The following SKAP1 variants were observed in gnomAD, a reference collection of about 807,000 sequenced individuals.
SKAP1 encodes src kinase associated phosphoprotein 1.
In SKAP1, 44 loss-of-function variants were observed where a neutral mutation model predicts 58.5. That is an observed-to-expected ratio of 0.75 (90% CI 0.59 to 0.97). The LOEUF (loss-of-function observed/expected upper bound fraction) is 0.97, where lower values mean the gene tolerates loss of function less well. Among genes scored for constraint, SKAP1 ranks in the 50% least tolerant of loss-of-function variants. SKAP1 has a pLI of 0.00. For synonymous variants in SKAP1, 127 were observed against 149.7 expected (o/e 0.85, Z 1.11); for missense variants, 390 against 435.2 (o/e 0.90, Z 0.92).
chr17:48,142,211 C>CT (rs2063776145), intron 11 of SKAP1, among the ~76,000 whole-genome samples: 1 of 151,794 alleles, frequency 6.6e-6, no homozygotes, highest in Non-Finnish European at 1.5e-5. Flanking sequence ...ACCTGTAATC[C>CT]AGCACTTTGG....
chr17:48,227,622 G>GATT lies in SKAP1; in HGVS notation c.281-38125_281-38123dup, dbSNP rs199669678. On this transcript the variant is annotated intron_variant, in intron 4 of 12. Coordinates refer to ENST00000336915, the MANE Select transcript of SKAP1 (RefSeq NM_003726.4). Reference sequence around the variant, plus strand: ...TTAGAATTTTATAGAATGCAGAGAGGATTGGCATTTTGGAATTTTTTATCA... The same window carrying GATT: ...TTAGAATTTTATAGAATGCAGAGAGGATTATTGGCATTTTGGAATTTTTTATCA... Among the ~76,000 whole-genome samples, 834 of 152,288 alleles carry GATT rather than the reference G, an allele frequency of 5.5e-3. 6 individuals carry two copies. The highest frequency in any genetic ancestry group is 0.018 in the East Asian group (92 of 5,190).
At chr17:48,229,499 T>A (rs1269373830) in intron 4 of SKAP1, among the ~76,000 whole-genome samples, 1 of 152,022 alleles carries the variant, frequency 6.6e-6, no homozygotes, top group Non-Finnish European at 1.5e-5. Context: ...TGGGTGACTG[T>A]AATCTCAGCT....
At chr17:48,179,420 T>C (rs1004080639) in intron 9 of SKAP1, among the ~76,000 whole-genome samples, 2 of 152,194 alleles carry the variant, frequency 1.3e-5, no homozygotes, top group Non-Finnish European at 1.5e-5. Flanking sequence ...TGACTATACA[T>C]TTTTTGAGAT....
chr17:48,158,642 T>C (rs1326963562), intron 11 of SKAP1, among the ~76,000 whole-genome samples: 1 of 146,978 alleles, frequency 6.8e-6, no homozygotes, highest in Non-Finnish European at 1.5e-5. Context: ...AGATTCAAAG[T>C]TGGATCATGC....
At chr17:48,138,098 A>C (rs2063723171) in intron 11 of SKAP1, among the ~76,000 whole-genome samples, 1 of 152,230 alleles carries the variant, frequency 6.6e-6, no homozygotes, top group Non-Finnish European at 1.5e-5. Flanking sequence ...AAAGAGGATG[A>C]GAGGGTTTTA....
intron 4 of SKAP1, among the ~76,000 whole-genome samples, chr17:48,291,570 C>T (rs1049261236): frequency 6.6e-6 from 1 of 152,186 alleles, no homozygotes; most frequent in African/African-American, 2.4e-5. Flanking sequence ...TTAAAGATCA[C>T]CTGCCACACT....
intron 4 of SKAP1, among the ~76,000 whole-genome samples, chr17:48,263,895 C>CT (rs1270796439): frequency 1.3e-5 from 2 of 152,120 alleles, no homozygotes; most frequent in Admixed American, 1.3e-4. Flanking sequence ...AGACACCACT[C>CT]TGCGTTTGCA....
chr17:48,317,083 C>T (rs1207442704), intron 4 of SKAP1, among the ~76,000 whole-genome samples: 1 of 152,148 alleles, frequency 6.6e-6, no homozygotes, highest in East Asian at 1.9e-4. Context: ...CATGCAGGAG[C>T]GAAAAGTGCC....
intron 4 of SKAP1, among the ~76,000 whole-genome samples, chr17:48,272,745 C>A (rs910890197): frequency 6.6e-6 from 1 of 151,722 alleles, no homozygotes; most frequent in Non-Finnish European, 1.5e-5. Context: ...TTGGTAGAGA[C>A]GGGGTTTCAC....
chr17:48,302,697 C>T (rs1476119076), intron 4 of SKAP1, among the ~76,000 whole-genome samples: 1 of 152,194 alleles, frequency 6.6e-6, no homozygotes, highest in Non-Finnish European at 1.5e-5. Context: ...ACCAAAAATA[C>T]AAAGAATCCA....
At chr17:48,319,801 C>T (rs1483116395) in intron 4 of SKAP1, among the ~76,000 whole-genome samples, 1 of 152,086 alleles carries the variant, frequency 6.6e-6, no homozygotes, top group Non-Finnish European at 1.5e-5. Flanking sequence ...GTGATCACAC[C>T]ACTGCATTCC....
At chr17:48,322,386 G>T (rs938405020) in intron 4 of SKAP1, among the ~76,000 whole-genome samples, 2 of 152,170 alleles carry the variant, frequency 1.3e-5, no homozygotes, top group African/African-American at 2.4e-5. Context: ...TTGATATGTG[G>T]TTCATTTGGG....
the SKAP1 span, among the ~76,000 whole-genome samples, chr17:48,441,089 T>A: frequency 6.6e-6 from 1 of 152,176 alleles, no homozygotes; most frequent in African/African-American, 2.4e-5. Context: ...TCTTTCACTT[T>A]TCCAGTATAG....
At chr17:48,231,346 A>T (rs1012516895) in intron 4 of SKAP1, among the ~76,000 whole-genome samples, 2 of 152,194 alleles carry the variant, frequency 1.3e-5, no homozygotes, top group Non-Finnish European at 2.9e-5. Context: ...TTCAAAAAAC[A>T]GCTAATAATG....
chr17:48,367,536 G>GGATATATATCCA (rs2067020141), intron 2 of SKAP1, among the ~76,000 whole-genome samples: 2 of 135,602 alleles, frequency 1.5e-5, no homozygotes, highest in Admixed American at 7.6e-5. Flanking sequence ...GTATGTGTGT[G>GGATATATATCCA]TATATATATA....
chr17:48,379,321 C>T (rs2144470102), intron 2 of SKAP1, among the ~76,000 whole-genome samples: 1 of 152,266 alleles, frequency 6.6e-6, no homozygotes. Context: ...GCTAAAGTTA[C>T]TGACATAGAT....
In SKAP1 at chr17:48,398,538, C is replaced by T. The variant is rs554446126; in HGVS notation, c.47-1753G>A. Among the ~76,000 whole-genome samples the T allele has an allele frequency of 3.5e-4, 53 of 152,236 alleles. 2 individuals are homozygous for T. In the South Asian group the frequency reaches 0.011, roughly 31 times the overall value. Reference sequence around the variant, plus strand: ...ATCATCGCCAAACCATCCCCCCACCCCCGGTCCATGGAAAAATTGTCTTCC... The same window carrying T: ...ATCATCGCCAAACCATCCCCCCACCTCCGGTCCATGGAAAAATTGTCTTCC... On this transcript the variant is annotated intron_variant, in intron 1 of 12. Coordinates refer to ENST00000336915, the MANE Select transcript of SKAP1 (RefSeq NM_003726.4).
chr17:48,400,724 G>A (rs2067489282), intron 1 of SKAP1, among the ~76,000 whole-genome samples: 1 of 151,318 alleles, frequency 6.6e-6, no homozygotes, highest in Admixed American at 6.6e-5. Flanking sequence ...CTCCAGGCTG[G>A]GTGACAGAGC....
chr17:48,210,822 A>G (rs2064862653), intron 4 of SKAP1, among the ~76,000 whole-genome samples: 1 of 152,204 alleles, frequency 6.6e-6, no homozygotes, highest in South Asian at 2.1e-4. Context: ...TCACTGTGGT[A>G]TCTTTCCCAT....
Sources: gnomAD v4.1 joint callset for allele counts (sites outside exome capture counted in the v4.1 genomes callset) on GRCh38, gnomAD v4.1.1 for gene constraint, MANE v1.5 for transcripts, NCBI Gene and HGNC (gene_info 2026-07-23, HGNC 2026-07-21) for gene names.